The following SLC14A2 variants were observed in gnomAD, a reference collection of about 807,000 sequenced individuals.
The protein encoded by SLC14A2 is solute carrier family 14 member 2.
A neutral mutation model predicts 104.6 loss-of-function variants in SLC14A2; 91 were observed. The observed-to-expected ratio is 0.87, with a 90% CI of 0.73 to 1.04. SLC14A2 has a LOEUF of 1.04. Among genes scored for constraint, SLC14A2 ranks in the 50% least tolerant of loss-of-function variants. The pLI, the probability that SLC14A2 is intolerant of heterozygous loss-of-function variation, is 0.00. For synonymous variants in SLC14A2, 476 were observed against 466.4 expected (o/e 1.02, Z -0.27); for missense variants, 1,189 against 1,156.0 (o/e 1.03, Z -0.41).
chr18:45,608,322 C>T (rs2044904315), intron 2 of SLC14A2, among the ~76,000 whole-genome samples: 1 of 152,192 alleles, frequency 6.6e-6, no homozygotes, highest in African/African-American at 2.4e-5. Context: ...GAGGTGAAAA[C>T]TGACACTTGT....
the SLC14A2 span, among the ~76,000 whole-genome samples, chr18:45,205,662 C>T: frequency 6.6e-6 from 1 of 152,192 alleles, no homozygotes; most frequent in African/African-American, 2.4e-5. Context: ...CACTAGCAAA[C>T]CAACCTAGTG....
At chr18:45,644,331 C>A (rs1806892135) in intron 10 of SLC14A2, 171 bp downstream of exon 10, 7 of 576,176 alleles carry the variant, frequency 1.2e-5, no homozygotes, top group South Asian at 3.0e-5. Flanking sequence ...GATTTTCATT[C>A]TCTGCCAGAA....
In SLC14A2 at chr18:45,541,839, G is replaced by A. The variant is rs1220169050; in HGVS notation, c.-35+58517G>A. Reference sequence around the variant, plus strand: ...CTTCATGAGATATAATTTCCAGATGGGCAGGTGTCAAGGACACCCTGTTTA... The same window carrying A: ...CTTCATGAGATATAATTTCCAGATGAGCAGGTGTCAAGGACACCCTGTTTA... On this transcript the variant is annotated intron_variant, in intron 2 of 20. Transcript: ENST00000586448. 3.3e-5 allele frequency among the ~76,000 whole-genome samples: 5 copies of A among 152,148 alleles called. No individual in the cohort carries two copies. The South Asian group carries it at 8.3e-4, about 25-fold the overall frequency.
intron 2 of SLC14A2, among the ~76,000 whole-genome samples, chr18:45,502,336 C>T (rs2043211539): frequency 6.6e-6 from 1 of 152,214 alleles, no homozygotes; most frequent in Admixed American, 6.5e-5. Flanking sequence ...GATTAAGCTG[C>T]CTCCATGAGA....
the SLC14A2 span, among the ~76,000 whole-genome samples, chr18:45,192,907 G>T: frequency 6.6e-6 from 1 of 151,968 alleles, no homozygotes; most frequent in Non-Finnish European, 1.5e-5. Context: ...CCATCACCCT[G>T]ACCTCCCAAA....
At chr18:45,423,280 A>G (rs571884084) in intron 1 of SLC14A2, among the ~76,000 whole-genome samples, 93 of 152,336 alleles carry the variant, frequency 6.1e-4, no homozygotes, top group South Asian at 2.1e-3. Context: ...CTATATTATC[A>G]TATCCTTCTG....
the SLC14A2 span, among the ~76,000 whole-genome samples, chr18:45,175,554 A>C: frequency 1.3e-5 from 2 of 152,148 alleles, no homozygotes; most frequent in Non-Finnish European, 2.9e-5. Context: ...TTTGTGACTT[A>C]TGAGTGGATC....
chr18:45,574,912 A>G (rs527665700), intron 2 of SLC14A2, among the ~76,000 whole-genome samples: 1 of 152,134 alleles, frequency 6.6e-6, no homozygotes, highest in Non-Finnish European at 1.5e-5. Flanking sequence ...ACAGCCTCCT[A>G]TAAATAGCCA....
intron 2 of SLC14A2, among the ~76,000 whole-genome samples, chr18:45,566,058 TA>T (rs2044262326): frequency 6.6e-6 from 1 of 152,228 alleles, no homozygotes; most frequent in Non-Finnish European, 1.5e-5. Context: ...GTTGTGGAAG[TA>T]AAAACTTTGG....
At chr18:45,323,089 A>C (rs1487050186) in intron 1 of SLC14A2, among the ~76,000 whole-genome samples, 2 of 152,166 alleles carry the variant, frequency 1.3e-5, no homozygotes, top group African/African-American at 4.8e-5. Context: ...TGTGATTCAG[A>C]CCGTATGGAC....
At chr18:45,330,880 C>T (rs939254408) in intron 1 of SLC14A2, among the ~76,000 whole-genome samples, 1 of 152,244 alleles carries the variant, frequency 6.6e-6, no homozygotes, top group African/African-American at 2.4e-5. Context: ...TTGGGATAAT[C>T]TCTGCCTTCT....
At chr18:45,653,151 A>T (rs949818003) in intron 10 of SLC14A2, among the ~76,000 whole-genome samples, 1 of 152,040 alleles carries the variant, frequency 6.6e-6, no homozygotes, top group East Asian at 1.9e-4. Flanking sequence ...TAACCAGCAG[A>T]TAGCCATGGA....
intron 2 of SLC14A2, among the ~76,000 whole-genome samples, chr18:45,532,611 G>A (rs1040839650): frequency 1.3e-5 from 2 of 151,550 alleles, no homozygotes; most frequent in Non-Finnish European, 2.9e-5. Context: ...AGACAGTGGG[G>A]TTTTCTAGAT....
In SLC14A2 at chr18:45,321,833, G is replaced by T. The variant is rs953264791; in HGVS notation, c.-125+108642G>T. On this transcript the variant is annotated intron_variant, in intron 1 of 20. Coordinates refer to the SLC14A2 transcript ENST00000586448. ...GGGACATTTGGAGAGGCTCCTAAAG[G>T]GCACCAGTCAGTAGGAAGGTGGAGA... 3.3e-5 allele frequency among the ~76,000 whole-genome samples: 5 copies of T among 152,308 alleles called. No homozygotes were observed. In the East Asian group the frequency reaches 9.6e-4, roughly 29 times the overall value.
chr18:45,175,476 G>C, the SLC14A2 span, among the ~76,000 whole-genome samples: 1 of 152,112 alleles, frequency 6.6e-6, no homozygotes, highest in Non-Finnish European at 1.5e-5. Context: ...ATGTGGCAAT[G>C]CTGAGGTCTT....
intron 2 of SLC14A2, among the ~76,000 whole-genome samples, chr18:45,599,439 C>T (rs1425249850): frequency 2.0e-5 from 3 of 152,222 alleles, no homozygotes; most frequent in Admixed American, 6.5e-5. Flanking sequence ...TGCTCTGACT[C>T]TTGCAAAAGT....
chr18:45,307,479 A>C (rs532000539), intron 1 of SLC14A2, among the ~76,000 whole-genome samples: 4 of 151,746 alleles, frequency 2.6e-5, no homozygotes, highest in African/African-American at 9.7e-5. Flanking sequence ...GAAAAGACTA[A>C]CCTCTAGGGG....
chr18:45,596,185 T>C (rs546893902), intron 2 of SLC14A2, among the ~76,000 whole-genome samples: 4 of 152,100 alleles, frequency 2.6e-5, no homozygotes, highest in Non-Finnish European at 5.9e-5. Context: ...CTAAATTAAT[T>C]AATGTGGGTA....
intron 1 of SLC14A2, among the ~76,000 whole-genome samples, chr18:45,454,168 T>C (rs2086903674): frequency 6.6e-6 from 1 of 152,182 alleles, no homozygotes; most frequent in Admixed American, 6.5e-5. Context: ...CAAGTTCTGC[T>C]TTCTTGTAGA....
Sources: allele counts gnomAD v4.1 joint callset (sites outside exome capture counted in the v4.1 genomes callset), GRCh38; gene constraint gnomAD v4.1.1; transcripts MANE v1.5; gene names NCBI Gene and HGNC (gene_info 2026-07-23, HGNC 2026-07-21).